Variants in UQCR11 observed in about 807,000 individuals in gnomAD.
UQCR11 encodes the protein cytochrome b-c1 complex subunit 10.
Under a neutral mutation model 7.6 loss-of-function variants are expected in UQCR11, and 10 were observed. The ratio of observed to expected loss-of-function variants is 1.31; its 90% confidence interval spans 0.81 to 2.22. The LOEUF is 2.22. Among genes scored for constraint, UQCR11 ranks in the 30% most tolerant of loss-of-function variants. The pLI is 0.00. For missense variants in UQCR11, 86 were observed against 75.1 expected (o/e 1.15, Z -0.54); for synonymous variants, 34 against 34.9 (o/e 0.97, Z 0.09).
At chr19:1,598,708 T>C (rs1201957841) in intron 2 of UQCR11, among the ~76,000 whole-genome samples, 2 of 152,026 alleles carry the variant, frequency 1.3e-5, no homozygotes, top group Non-Finnish European at 2.9e-5. Context: ...AGACTCCGTC[T>C]CAAAAAAAAA....
At chr19:1,602,042 G>C (rs2060748764) in intron 1 of UQCR11, 1 of 152,178 alleles carries the variant, frequency 6.6e-6, no homozygotes, top group African/African-American at 2.4e-5. Flanking sequence ...CGCACCTGTA[G>C]TCCCAGCTAC....
intron 2 of UQCR11, 146 bp downstream of exon 2, chr19:1,599,266 G>A (rs1050652379): frequency 5.2e-5 from 58 of 1,109,866 alleles, no homozygotes; most frequent in Admixed American, 1.3e-4. Context: ...GCCAGAAGGG[G>A]CACCCAGGGC....
chr19:1,599,043 A>G (rs1395078673), intron 2 of UQCR11: 7 of 240,152 alleles, frequency 2.9e-5, no homozygotes, highest in Non-Finnish European at 5.9e-5. Context: ...CCAAGAGCTC[A>G]TGGGGTGTCC....
At chr19:1,603,751 G>A (rs1555702230) in intron 1 of UQCR11, among the ~76,000 whole-genome samples, 1 of 152,218 alleles carries the variant, frequency 6.6e-6, no homozygotes, top group Non-Finnish European at 1.5e-5. Context: ...ATGGGCCACT[G>A]GGTTCTCAGC....
At chr19:1,603,828 A>G (rs116189619) in intron 1 of UQCR11, among the ~76,000 whole-genome samples, 2,125 of 152,224 alleles carry the variant, frequency 0.014, 53 homozygotes, top group African/African-American at 0.048. Flanking sequence ...GCACCATCAC[A>G]TTCCACTTGA....
At chr19:1,601,952 A>G in intron 1 of UQCR11, 1 of 152,344 alleles carries the variant, frequency 6.6e-6, no homozygotes, top group Non-Finnish European at 1.5e-5. Flanking sequence ...ACCTGAGGTC[A>G]GGAATTCTAG....
intron 2 of UQCR11, among the ~76,000 whole-genome samples, chr19:1,598,500 C>T (rs989720617): frequency 2.0e-5 from 3 of 151,130 alleles, no homozygotes; most frequent in East Asian, 1.9e-4. Context: ...GCCAAGATCG[C>T]GTCATTGCGC....
chr19:1,601,554 T>C (rs1359561554), intron 1 of UQCR11, among the ~76,000 whole-genome samples: 1 of 141,270 alleles, frequency 7.1e-6, no homozygotes, highest in Non-Finnish European at 1.5e-5. Flanking sequence ...TGAGCTTAGA[T>C]CATGCCATTG....
At chr19:1,599,343 G>A in intron 2 of UQCR11, 69 bp downstream of exon 2, 1 of 1,570,210 alleles carries the variant, frequency 6.4e-7, no homozygotes, top group African/African-American at 1.3e-5. Flanking sequence ...CTGGGAGCCT[G>A]GAGAACCCAC....
chr19:1,598,668 G>A (rs553469377), intron 2 of UQCR11, among the ~76,000 whole-genome samples: 2 of 152,296 alleles, frequency 1.3e-5, no homozygotes, highest in East Asian at 3.9e-4. Context: ...CTGAGATCGC[G>A]CCACCGTATT....
chr19:1,600,263 G>A (rs1243936927), intron 1 of UQCR11, among the ~76,000 whole-genome samples: 1 of 149,002 alleles, frequency 6.7e-6, no homozygotes, highest in Non-Finnish European at 1.5e-5. Context: ...CACCAAGCTG[G>A]AGTGCAGTGG....
At chr19:1,603,477 C>T (rs1258704638) in intron 1 of UQCR11, among the ~76,000 whole-genome samples, 10 of 152,056 alleles carry the variant, frequency 6.6e-5, no homozygotes, top group African/African-American at 2.4e-4. Flanking sequence ...TGGTGGCGGG[C>T]GCCTGTAGTC....
chr19:1,604,276 G>A (rs1359546985), intron 1 of UQCR11, among the ~76,000 whole-genome samples: 2 of 151,628 alleles, frequency 1.3e-5, no homozygotes, highest in Admixed American at 6.6e-5. Context: ...ATAAGGTCTT[G>A]CTGTGTTGCC....
At chr19:1,600,505 G>A (rs962570298) in intron 1 of UQCR11, among the ~76,000 whole-genome samples, 2 of 151,986 alleles carry the variant, frequency 1.3e-5, no homozygotes, top group Non-Finnish European at 2.9e-5. Context: ...GAGCCACCGC[G>A]CCCGGCCGGG....
chr19:1,605,317 CCGAGGCGGGAGCGCGGATGGGG>C (rs1639086270), intron 1 of UQCR11, 21 bp downstream of exon 1: 1 of 1,543,670 alleles, frequency 6.5e-7, no homozygotes, highest in Admixed American at 2.0e-5. Context: ...CGGGGCTGGG[CCGAGGCGGGAGCGCGGATGGGG>C]CCGCGGGTCG....
At chr19:1,603,798 C>T (rs1369619516) in intron 1 of UQCR11, among the ~76,000 whole-genome samples, 1 of 152,130 alleles carries the variant, frequency 6.6e-6, no homozygotes, top group East Asian at 1.9e-4. Flanking sequence ...CTGAGTTACC[C>T]ACGCTGTAAA....
intron 1 of UQCR11, chr19:1,602,279 C>T (rs539769177): frequency 6.6e-6 from 1 of 152,186 alleles, no homozygotes; most frequent in African/African-American, 2.4e-5. Context: ...CCCACATTGC[C>T]CCAAGGGGCC....
chr19:1,599,353 C>T (rs528651223), intron 2 of UQCR11, 59 bp downstream of exon 2: 31 of 1,582,070 alleles, frequency 2.0e-5, no homozygotes, highest in Middle Eastern at 1.7e-4. Flanking sequence ...GGAGAACCCA[C>T]TCTTCGGCCA....
Position 1,599,524 on chromosome 19 carries a change from G to C in UQCR11, c.87C>G (p.Ala29=). 2 of 1,612,830 alleles carry C rather than the reference G, an allele frequency of 1.2e-6. No homozygotes were observed. Among genetic ancestry groups the C allele is most frequent in the Non-Finnish European group, 1.7e-6 (2 of 1,180,000 alleles). Residue 29 remains alanine, a synonymous_variant, in exon 2 of 3, where the codon GCC becomes GCG. Transcript: ENST00000591899. ...AATCGGTGGCCCACACCAGCCCCAC[G>C]GCGCCCACAGCGCCCCATGTGTAGG... ...PTAYTWGAVG[A]VGLVWATDWR...
Sources: gnomAD v4.1 joint callset for allele counts (sites outside exome capture counted in the v4.1 genomes callset) on GRCh38, gnomAD v4.1.1 for gene constraint, MANE v1.5 for transcripts, NCBI Gene and HGNC (gene_info 2026-07-23, HGNC 2026-07-21) for gene names.